Variants in BTNL8 observed in about 807,000 individuals in gnomAD.
The protein encoded by BTNL8 is butyrophilin-like protein 8.
Under a neutral mutation model 36.1 loss-of-function variants are expected in BTNL8, and 22 were observed. The observed-to-expected ratio is 0.61, with a 90% CI of 0.44 to 0.87. The LOEUF is 0.87. Ranked by LOEUF, BTNL8 falls within the 40% of genes least tolerant of loss-of-function variation. BTNL8 has a pLI of 0.00. For synonymous variants in BTNL8, 203 were observed against 235.6 expected (o/e 0.86, Z 1.27); for missense variants, 526 against 616.9 (o/e 0.85, Z 1.56).
intron 3 of BTNL8, among the ~76,000 whole-genome samples, chr5:180,925,729 T>C (rs1758065529): frequency 6.6e-6 from 1 of 152,210 alleles, no homozygotes; most frequent in Admixed American, 6.5e-5. Flanking sequence ...GTAAAAATAA[T>C]ATATAGTCAT....
At chr5:180,928,537 A>G (rs1042925162) in intron 3 of BTNL8, among the ~76,000 whole-genome samples, 5 of 152,246 alleles carry the variant, frequency 3.3e-5, no homozygotes, top group African/African-American at 1.2e-4. Context: ...ATAACGGGTC[A>G]TGACCCATTA....
chr5:180,945,884 A>G (rs750522363), intron 3 of BTNL8: 1 of 375,888 alleles, frequency 2.7e-6, no homozygotes, highest in Admixed American at 2.4e-5. Context: ...CGCAAAGGAC[A>G]TATGTTTCAT....
At chr5:180,931,202 A>C (rs565378706) in intron 3 of BTNL8, among the ~76,000 whole-genome samples, 1 of 152,332 alleles carries the variant, frequency 6.6e-6, no homozygotes, top group South Asian at 2.1e-4. Context: ...AAAAATAAGC[A>C]ATGGGGGAAG....
At position 180,950,049 on chromosome 5, in the gene BTNL8, C is replaced by G. The variant is rs770351304; in HGVS notation, c.1008C>G (p.Phe336Leu). The G allele has an allele frequency of 3.4e-6, 5 of 1,462,000 alleles. No individual in the cohort carries two copies. The highest frequency in any genetic ancestry group is 1.7e-4 in the Middle Eastern group (1 of 5,730). 90.6% of individuals were successfully genotyped at this position (1,462,000 alleles called of 1,614,324 possible). A position where few individuals can be genotyped will look rare whatever the true frequency, so the allele number is the denominator to read the frequency against. The stretch of plus-strand genomic sequence containing the variant: ...AGAGTGTGGTGGCTTCTCAGAGTTT[C>G]CAAGCAGGGAAACATTACTGGGAGG... ...TRKSVVASQS[F>L]QAGKHYWEVD... Residue 336 changes from phenylalanine (F) to leucine (L), a missense_variant, in exon 8 of 8, where the codon TTC (phenylalanine) becomes TTG (leucine). By Grantham distance (22) the Phe-to-Leu change is conservative. Coordinates refer to ENST00000340184, the MANE Select transcript of BTNL8 (RefSeq NM_001040462.3).
chr5:180,950,171 A>T lies in BTNL8; in HGVS notation c.1130A>T (p.Tyr377Phe). 1 of 1,462,880 alleles carries T rather than the reference A, an allele frequency of 6.8e-7. No individual in the cohort carries two copies. Among genetic ancestry groups the T allele is most frequent in the Non-Finnish European group, 9.4e-7 (1 of 1,058,816 alleles). 90.6% of individuals were successfully genotyped at this position (1,462,880 alleles called of 1,614,324 possible). The change falls in exon 8 of 8, where the codon TAC becomes TTC. Residue 377 changes from tyrosine (Y) to phenylalanine (F), a missense_variant. Coordinates refer to ENST00000340184, the MANE Select transcript of BTNL8 (RefSeq NM_001040462.3). The part of the protein sequence containing the change: ...EYVTLSPDHG[Y>F]WVLRLNGEHL... ...GTGACTTTGTCTCCCGATCATGGGTACTGGGTCCTCAGACTGAATGGAGAA... is the reference window on the plus strand; with the variant it reads ...GTGACTTTGTCTCCCGATCATGGGTTCTGGGTCCTCAGACTGAATGGAGAA...
At position 180,911,443 on chromosome 5, in the gene BTNL8, A is replaced by T. The variant is rs758677132; in HGVS notation, c.502A>T (p.Lys168Ter). 1 of 1,614,220 alleles carries T rather than the reference A, an allele frequency of 6.2e-7. No homozygotes were observed. Among genetic ancestry groups the T allele is most frequent in the Non-Finnish European group, 8.5e-7 (1 of 1,180,030 alleles). ...GWFPRPTAKW[K>*]GPQGQDLSTD... The stretch of plus-strand genomic sequence containing the variant: ...GTTCCCCCGGCCCACAGCGAAGTGG[A>T]AAGGTCCACAAGGACAGGATTTGTC... Residue 168 changes from lysine (K) to a stop codon, truncating the protein, a stop_gained, in exon 3 of 8, where the codon AAA becomes TAA. Coordinates refer to ENST00000340184, the MANE Select transcript of BTNL8 (RefSeq NM_001040462.3). LOFTEE classifies it high-confidence loss of function.
chr5:180,938,361 G>T, intron 3 of BTNL8, among the ~76,000 whole-genome samples: 1 of 152,144 alleles, frequency 6.6e-6, no homozygotes. Flanking sequence ...AAGCTTAAAA[G>T]TTTCCAAAAT....
At chr5:180,912,216 T>C (rs1321674564) in intron 3 of BTNL8, among the ~76,000 whole-genome samples, 6 of 152,146 alleles carry the variant, frequency 3.9e-5, no homozygotes, top group African/African-American at 1.4e-4. Context: ...AGTGACACCA[T>C]TGGCTCTTCT....
At chr5:180,934,750 C>T (rs1193146971) in intron 3 of BTNL8, among the ~76,000 whole-genome samples, 1 of 152,226 alleles carries the variant, frequency 6.6e-6, no homozygotes, top group Non-Finnish European at 1.5e-5. Context: ...GTGTCACAGT[C>T]CTGGCATGGG....
intron 1 of BTNL8, among the ~76,000 whole-genome samples, chr5:180,905,966 T>C (rs1757062154): frequency 7.3e-6 from 1 of 137,818 alleles, no homozygotes; most frequent in South Asian, 2.1e-4. Context: ...TTGTAACAGG[T>C]GTGGTGTGGT....
At chr5:180,911,268 C>A in intron 2 of BTNL8, 71 bp from the exon 3 acceptor site, 1 of 1,576,422 alleles carries the variant, frequency 6.3e-7, no homozygotes, top group African/African-American at 1.3e-5. Flanking sequence ...GGACTGAATG[C>A]ACCTGACTCA....
chr5:180,922,376 G>C (rs1343112875), intron 3 of BTNL8, among the ~76,000 whole-genome samples: 1 of 151,782 alleles, frequency 6.6e-6, no homozygotes, highest in African/African-American at 2.4e-5. Context: ...TGTCCCAGAG[G>C]TGCTGGTATG....
At chr5:180,923,278 A>T (rs1757953598) in intron 3 of BTNL8, among the ~76,000 whole-genome samples, 1 of 152,186 alleles carries the variant, frequency 6.6e-6, no homozygotes, top group Admixed American at 6.5e-5. Flanking sequence ...TTTTTTAAAA[A>T]ACCTAATATA....
chr5:180,908,602 T>C lies in BTNL8; in HGVS notation c.66T>C (p.Phe22=), dbSNP rs1236530203. 1 of 1,613,952 alleles carries C rather than the reference T, an allele frequency of 6.2e-7. No homozygotes were observed. The highest frequency in any genetic ancestry group is 2.2e-5 in the East Asian group (1 of 44,874). ...TTCCCACAGGGCAGTGGCAGGTGTT[T>C]GGGCCAGACAAGCCTGTCCAGGCCT... is the stretch of plus-strand genomic sequence containing the variant. ...LKLGSGQWQV[F]GPDKPVQALV... is the part of the protein sequence containing the mutation. Residue 22 remains phenylalanine, a synonymous_variant, in exon 2 of 8, where the codon TTT becomes TTC. Coordinates refer to ENST00000340184, the MANE Select transcript of BTNL8 (RefSeq NM_001040462.3).
rs372916067 is a variant in BTNL8, at chr5:180,899,359, G to A, written c.49G>A (p.Gly17Arg). The change falls in exon 1 of 8, where the codon GGG becomes AGG. Residue 17 changes from glycine to arginine, a missense_variant and splice_region_variant. This residue lies in a region of BTNL8 where 350 missense variants were observed against 324.6 expected (regional missense o/e 1.08). Transcript: ENST00000340184. ...TCTGAGTCTCCTCAAGCTGGGATCA[G>A]GTAAGACTCATCTTTGTTTCCTCCT... ...LVLSLLKLGS[G>R]QWQVFGPDKP... 40 of 1,613,372 alleles carry A rather than the reference G, an allele frequency of 2.5e-5. No homozygotes were observed. The highest frequency in any genetic ancestry group is 1.6e-4 in the Middle Eastern group (1 of 6,084).
Position 180,947,593 on chromosome 5 carries a change from T to G in BTNL8, c.755T>G (p.Val252Gly). ...ILCCGLFFGI[V>G]GLKIFFSKFQ... ...TGCTGTGGCCTATTTTTTGGCATTG[T>G]TGGACTGAAGATTTTCTTCTCCAAA... Residue 252 changes from valine to glycine, a missense_variant, in exon 4 of 8, where the codon GTT (valine) becomes GGT (glycine). Val to Gly is a moderately radical substitution (Grantham distance 109). Coordinates refer to ENST00000340184, the MANE Select transcript of BTNL8 (RefSeq NM_001040462.3). 1 of 1,614,204 alleles carries G rather than the reference T, an allele frequency of 6.2e-7. No individual in the cohort carries two copies. The highest frequency in any genetic ancestry group is 8.5e-7 in the Non-Finnish European group (1 of 1,180,032).
chr5:180,943,130 CT>C (rs35271643), intron 3 of BTNL8, among the ~76,000 whole-genome samples: 1,146 of 100,632 alleles, frequency 0.011, 9 homozygotes, highest in African/African-American at 0.039. Flanking sequence ...GGAAGATAGA[CT>C]TTTTTTTTTT....
chr5:180,920,334 C>T (rs973542433), intron 3 of BTNL8, among the ~76,000 whole-genome samples: 1 of 151,992 alleles, frequency 6.6e-6, no homozygotes, highest in Non-Finnish European at 1.5e-5. Flanking sequence ...ACCAAGAATA[C>T]AAAATGGATA....
In BTNL8 at chr5:180,899,309, C is replaced by CCATGGCTCT; in HGVS notation, c.4_12dup. On this transcript the variant is annotated 5_prime_UTR_variant, in exon 1 of 8. The change creates a new upstream start codon in the 5' untranslated region. Transcript: ENST00000340184. ...CGTGAGGTCCATTCACAGAACACAT[C>CCATGGCTCT]CATGGCTCTCATGCTCAGTTTGGTT... The CCATGGCTCT allele has an allele frequency of 6.2e-7, 1 of 1,614,182 alleles. No homozygotes were observed. Among genetic ancestry groups the CCATGGCTCT allele is most frequent in the Non-Finnish European group, 8.5e-7 (1 of 1,179,978 alleles).
Sources: allele counts gnomAD v4.1 joint callset (sites outside exome capture counted in the v4.1 genomes callset), GRCh38; gene constraint gnomAD v4.1.1; regional missense constraint gnomAD v4.1.1; transcripts MANE v1.5; gene names NCBI Gene and HGNC (gene_info 2026-07-23, HGNC 2026-07-21).